ALMS1: variants seen among roughly 807,000 people sequenced by gnomAD.
ALMS1 encodes the protein ALMS1 centrosome and basal body associated protein.
Under a neutral mutation model 352.2 loss-of-function variants are expected in ALMS1, and 271 were observed. The ratio of observed to expected loss-of-function variants is 0.77; its 90% CI spans 0.70 to 0.85. ALMS1 has a LOEUF of 0.85. Ranked by LOEUF, ALMS1 falls within the 40% of genes least tolerant of loss-of-function variation. The pLI is 0.00. For synonymous variants in ALMS1, 1,865 were observed against 1,761.2 expected, an observed-to-expected ratio of 1.06 and a Z score of -1.48; for missense variants, 5,445 against 4,870.7, an observed-to-expected ratio of 1.12 and a Z score of -3.51.
At chr2:73,434,779 G>A (rs191316740) in intron 7 of ALMS1, among the ~76,000 whole-genome samples, 4 of 152,200 alleles carry the variant, frequency 2.6e-5, no homozygotes, top group African/African-American at 9.6e-5. Context: ...ATCCATATAT[G>A]TTTATAATTG....
At chr2:73,606,646 G>C (rs1404887128) in intron 21 of ALMS1, among the ~76,000 whole-genome samples, 1 of 152,150 alleles carries the variant, frequency 6.6e-6, no homozygotes, top group Non-Finnish European at 1.5e-5. Context: ...CTCTTTTCAA[G>C]GGAGTGATCT....
chr2:73,447,054 T>TTGTG (rs1553403158), intron 7 of ALMS1, among the ~76,000 whole-genome samples: 1 of 35,112 alleles, frequency 2.8e-5, no homozygotes, highest in Non-Finnish European at 6.1e-5. Context: ...GTAGGGATTA[T>TTGTG]TGTCTGTTTA....
At chr2:73,501,385 C>G (rs1484507235) in intron 10 of ALMS1, among the ~76,000 whole-genome samples, 1 of 151,454 alleles carries the variant, frequency 6.6e-6, no homozygotes. Flanking sequence ...GAAATGTTGC[C>G]TAATCAAGTG....
At chr2:73,393,674 A>G (rs1019476814) in intron 1 of ALMS1, among the ~76,000 whole-genome samples, 5 of 152,078 alleles carry the variant, frequency 3.3e-5, no homozygotes, top group Admixed American at 2.6e-4. Flanking sequence ...CTGCAGCACC[A>G]TTTGTTAAAG....
Position 73,386,150 on chromosome 2 carries a change from G to A in ALMS1, c.282G>A (p.Pro94=), listed in dbSNP as rs764095354. The A allele has an allele frequency of 6.4e-7, 1 of 1,556,394 alleles. No homozygotes were observed. Among genetic ancestry groups the A allele is most frequent in the Non-Finnish European group, 8.7e-7 (1 of 1,150,562 alleles). Residue 94 remains proline (P), a synonymous_variant, in exon 1 of 23, where the codon CCG becomes CCA. Transcript: ENST00000613296. The part of the protein sequence containing the change: ...PGRILPPLSP[P]QHRYSEGERT... Reference sequence around the variant, plus strand: ...GGATTTTGCCTCCGCTGTCGCCCCCGCAGCACCGCTACTCGGAGGGCGAGC... The same window carrying A: ...GGATTTTGCCTCCGCTGTCGCCCCCACAGCACCGCTACTCGGAGGGCGAGC...
At chr2:73,400,912 G>C (rs921973229) in intron 1 of ALMS1, among the ~76,000 whole-genome samples, 3 of 152,066 alleles carry the variant, frequency 2.0e-5, no homozygotes, top group African/African-American at 7.2e-5. Flanking sequence ...TCAGCCACCT[G>C]AGTAGCTGGG....
At chr2:73,533,297 G>T (rs1394297913) in intron 11 of ALMS1, among the ~76,000 whole-genome samples, 1 of 152,160 alleles carries the variant, frequency 6.6e-6, no homozygotes, top group Non-Finnish European at 1.5e-5. Context: ...ACTTTCCTGG[G>T]AATTGTGTTT....
intron 4 of ALMS1, 71 bp downstream of exon 4, chr2:73,423,045 A>C: frequency 7.3e-7 from 1 of 1,375,150 alleles, no homozygotes; most frequent in Non-Finnish European, 1.0e-6. Context: ...TAGTGACTTC[A>C]GGCTAAGGTG....
chr2:73,519,085 G>C (rs1673618990), intron 10 of ALMS1, among the ~76,000 whole-genome samples: 1 of 152,170 alleles, frequency 6.6e-6, no homozygotes, highest in Admixed American at 6.5e-5. Flanking sequence ...GGATAAGGCA[G>C]TGCTTGCTAG....
chr2:73,422,996 TA>T (rs1311006963), intron 4 of ALMS1, 22 bp downstream of exon 4: 1 of 1,549,194 alleles, frequency 6.5e-7, no homozygotes, highest in Admixed American at 1.7e-5. Flanking sequence ...TATTTGCATG[TA>T]ACCTTTCTCA....
chr2:73,514,934 T>C (rs1389551530), intron 10 of ALMS1, among the ~76,000 whole-genome samples: 1 of 152,190 alleles, frequency 6.6e-6, no homozygotes, highest in Non-Finnish European at 1.5e-5. Flanking sequence ...TTGGTTTTTC[T>C]TAGTATTACT....
chr2:73,534,774 G>T (rs1327726739), intron 11 of ALMS1, 50 bp from the exon 12 acceptor site: 4 of 1,584,260 alleles, frequency 2.5e-6, no homozygotes, highest in Middle Eastern at 1.7e-4. Context: ...TTTGTTCAAT[G>T]AATTAACAAA....
At chr2:73,492,319 A>G (rs574442009) in intron 10 of ALMS1, among the ~76,000 whole-genome samples, 1 of 152,340 alleles carries the variant, frequency 6.6e-6, no homozygotes, top group Admixed American at 6.5e-5. Context: ...TACATGTGGT[A>G]GTAGTCATGG....
At chr2:73,574,661 T>C (rs949133456) in intron 16 of ALMS1, among the ~76,000 whole-genome samples, 3 of 152,170 alleles carry the variant, frequency 2.0e-5, no homozygotes, top group African/African-American at 4.8e-5. Flanking sequence ...ATGCTTTTTT[T>C]CTAAAGTAAG....
intron 7 of ALMS1, among the ~76,000 whole-genome samples, chr2:73,434,099 A>T (rs1671563900): frequency 1.3e-5 from 2 of 148,328 alleles, no homozygotes; most frequent in African/African-American, 2.5e-5. Context: ...TTCTTTTCTG[A>T]TTTTTGTTTC....
chr2:73,385,762 G>A (rs886056292), upstream of ALMS1: 19 of 578,278 alleles, frequency 3.3e-5, no homozygotes, highest in African/African-American at 3.5e-4. Flanking sequence ...CCGCCCAGGC[G>A]GGCGGCACTG....
chr2:73,436,994 C>T (rs532131683), intron 7 of ALMS1, among the ~76,000 whole-genome samples: 1 of 152,098 alleles, frequency 6.6e-6, no homozygotes, highest in Non-Finnish European at 1.5e-5. Context: ...TATCTTGTTG[C>T]AGCTCTGGAT....
In ALMS1 at chr2:73,439,079, TTTC is replaced by T. The variant is rs200415101; in HGVS notation, c.1432+6794_1432+6796del. On this transcript the variant is annotated intron_variant, in intron 7 of 22. Transcript: ENST00000613296. The stretch of plus-strand genomic sequence containing the variant: ...CTGCTCCTCCTCTTTCTTCCTCTTT[TTTC>T]TTCTTTCTTCTTTCTTTTTCTCCTC... Among the ~76,000 whole-genome samples the T allele has an allele frequency of 9.0e-3, 1,365 of 151,272 alleles. 92 individuals are homozygous for T. The highest frequency in any genetic ancestry group is 0.075 in the Admixed American group (1,127 of 15,036).
At chr2:73,513,825 T>G (rs1673501445) in intron 10 of ALMS1, among the ~76,000 whole-genome samples, 1 of 152,138 alleles carries the variant, frequency 6.6e-6, no homozygotes, top group South Asian at 2.1e-4. Context: ...CTTGCCCTGC[T>G]TGAATTCTAA....
Sources: gnomAD v4.1 joint callset for allele counts (sites outside exome capture counted in the v4.1 genomes callset) on GRCh38, gnomAD v4.1.1 for gene constraint, MANE v1.5 for transcripts, NCBI Gene and HGNC (gene_info 2026-07-23, HGNC 2026-07-21) for gene names.